The following TRHR variants were observed in gnomAD, a reference collection of about 807,000 sequenced individuals.
The protein encoded by TRHR is thyrotropin-releasing hormone receptor.
TRHR carries 14 observed loss-of-function variants against 28.0 expected under a neutral mutation model. That is an observed-to-expected ratio of 0.50 (90% CI 0.33 to 0.78). The LOEUF (loss-of-function observed/expected upper bound fraction) is 0.78. TRHR is among the 30% of genes least tolerant of loss of function. The probability of loss-of-function intolerance (pLI) is 0.02; values close to 1 mark genes in which losing one functional copy is unlikely to be tolerated. For missense variants in TRHR, 438 were observed against 469.5 expected (o/e 0.93, Z 0.62); for synonymous variants, 176 against 171.9 (o/e 1.02, Z -0.18).
chr8:109,110,535 G>A (rs1479813502), intron 2 of TRHR, among the ~76,000 whole-genome samples: 2 of 151,784 alleles, frequency 1.3e-5, no homozygotes, highest in Admixed American at 1.3e-4. Flanking sequence ...ATAGAGCCCA[G>A]AAAACACTCC....
intron 2 of TRHR, among the ~76,000 whole-genome samples, chr8:109,095,341 C>T (rs1190650650): frequency 1.3e-5 from 2 of 151,606 alleles, no homozygotes; most frequent in African/African-American, 4.9e-5. Flanking sequence ...TTGAACTGGA[C>T]CTATAAAGGT....
chr8:109,087,621 G>A lies in TRHR; in HGVS notation c.109G>A (p.Gly37Ser), dbSNP rs750817638. The change falls in exon 2 of 3, where the codon GGC (glycine) becomes AGC (serine). Residue 37 changes from glycine (G) to serine (S), a missense_variant. Transcript: ENST00000518632. ...VTILLVLIIC[G>S]LGIVGNIMVV... ...CATCTTACTTGTACTCATTATTTGTGGCCTGGGCATTGTAGGCAACATCAT... is the reference window on the plus strand; with the variant it reads ...CATCTTACTTGTACTCATTATTTGTAGCCTGGGCATTGTAGGCAACATCAT... 2 of 1,614,120 alleles carry A rather than the reference G, an allele frequency of 1.2e-6. No individual in the cohort carries two copies. Among genetic ancestry groups the A allele is most frequent in the East Asian group, 2.2e-5 (1 of 44,880 alleles).
chr8:109,118,417 T>C (rs989242877), intron 2 of TRHR, among the ~76,000 whole-genome samples: 3 of 151,888 alleles, frequency 2.0e-5, no homozygotes, highest in African/African-American at 4.8e-5. Flanking sequence ...AGATGAGCTA[T>C]AAGATAGGTT....
chr8:109,113,586 G>A (rs1811872363), intron 2 of TRHR, among the ~76,000 whole-genome samples: 1 of 152,052 alleles, frequency 6.6e-6, no homozygotes, highest in South Asian at 2.1e-4. Flanking sequence ...TCTGAATAAA[G>A]CATGGAGCTA....
At chr8:109,100,809 T>G (rs1336928701) in intron 2 of TRHR, among the ~76,000 whole-genome samples, 1 of 152,174 alleles carries the variant, frequency 6.6e-6, no homozygotes, top group Non-Finnish European at 1.5e-5. Context: ...AGGAGCACTC[T>G]TAAGCTGAGC....
intron 2 of TRHR, among the ~76,000 whole-genome samples, chr8:109,113,735 T>C (rs1811873660): frequency 6.6e-6 from 1 of 152,148 alleles, no homozygotes; most frequent in Non-Finnish European, 1.5e-5. Context: ...AACTCTTCTA[T>C]AAATCTAATA....
chr8:109,102,676 T>C lies in TRHR; in HGVS notation c.789+14375T>C, dbSNP rs931277270. Among the ~76,000 whole-genome samples, 4 of 151,940 alleles carry C rather than the reference T, an allele frequency of 2.6e-5. 1 individual carries two copies. In the South Asian group the frequency reaches 8.3e-4, roughly 32 times the overall value. On this transcript the variant is annotated intron_variant, in intron 2 of 2. Coordinates refer to ENST00000518632, the MANE Select transcript of TRHR (RefSeq NM_003301.7). ...GAAAGTCATTGATTGAGAATGAGGG[T>C]AATGGCAAGGAGAAAAGGCATGGCT...
At chr8:109,098,933 G>A (rs956021540) in intron 2 of TRHR, among the ~76,000 whole-genome samples, 2 of 152,028 alleles carry the variant, frequency 1.3e-5, no homozygotes, top group African/African-American at 2.4e-5. Context: ...TTCTCTCAGC[G>A]GATTGTGCAT....
chr8:109,101,747 G>A (rs1330163972), intron 2 of TRHR, among the ~76,000 whole-genome samples: 1 of 152,106 alleles, frequency 6.6e-6, no homozygotes, highest in East Asian at 1.9e-4. Context: ...TAGAAATACA[G>A]ATTTAAGGCT....
chr8:109,107,791 G>A (rs1002889971), intron 2 of TRHR, among the ~76,000 whole-genome samples: 6 of 152,046 alleles, frequency 3.9e-5, no homozygotes, highest in Admixed American at 3.3e-4. Context: ...ATATTACAAT[G>A]TGTTTTTATG....
chr8:109,087,865 C>G lies in TRHR; in HGVS notation c.353C>G (p.Ala118Gly), dbSNP rs773472792. The G allele has an allele frequency of 7.4e-6, 12 of 1,614,072 alleles. No homozygotes were observed. The highest frequency in any genetic ancestry group is 1.0e-5 in the Non-Finnish European group (12 of 1,180,040). ...AATGCATCCTCTTGTTCAATAACAG[C>G]CTTTACCATTGAGAGGTACATAGCA... ...GINASSCSIT[A>G]FTIERYIAIC... The change falls in exon 2 of 3, where the codon GCC (alanine) becomes GGC (glycine). Residue 118 changes from alanine (A) to glycine (G), a missense_variant. Coordinates refer to ENST00000518632, the MANE Select transcript of TRHR (RefSeq NM_003301.7).
chr8:109,104,649 C>T (rs1400401592), intron 2 of TRHR, among the ~76,000 whole-genome samples: 1 of 152,004 alleles, frequency 6.6e-6, no homozygotes, highest in African/African-American at 2.4e-5. Context: ...GACATTTTCC[C>T]ATCAGTAGCA....
rs1426810098 is a variant in TRHR, at chr8:109,086,793, T to C, written c.-179T>C. ...ACTGCTAAGTGGTCTCCCTCTCAAA[T>C]AGAGTAGACAAGATTTTCTGCAAGA... is the stretch of plus-strand genomic sequence containing the variant. On this transcript the variant is annotated 5_prime_UTR_variant, in exon 1 of 3. Coordinates refer to ENST00000518632, the MANE Select transcript of TRHR (RefSeq NM_003301.7). The C allele has an allele frequency of 6.6e-6, 1 of 152,526 alleles. No homozygotes were observed. The highest frequency in any genetic ancestry group is 1.5e-5 in the Non-Finnish European group (1 of 68,348). 9.4% of individuals were successfully genotyped at this position (152,526 alleles called of 1,614,324 possible).
Position 109,100,437 on chromosome 8 carries a change from GT to G in TRHR, c.789+12146del, listed in dbSNP as rs373854283. Among the ~76,000 whole-genome samples, 374 of 148,810 alleles carry G rather than the reference GT, an allele frequency of 2.5e-3. 2 individuals carry two copies. Among genetic ancestry groups the G allele is most frequent in the African/African-American group, 8.7e-3 (354 of 40,682 alleles). Reference sequence around the variant, plus strand: ...AGGTGCTATCCTGGAATTAAGCATGGTTTTTTTTTTGAATTCTAAAATAGTA... The same window carrying G: ...AGGTGCTATCCTGGAATTAAGCATGGTTTTTTTTTGAATTCTAAAATAGTA... On this transcript the variant is annotated intron_variant, in intron 2 of 2. Transcript: ENST00000518632.
intron 2 of TRHR, among the ~76,000 whole-genome samples, chr8:109,103,036 A>G (rs1811699847): frequency 6.6e-6 from 1 of 152,160 alleles, no homozygotes; most frequent in Non-Finnish European, 1.5e-5. Flanking sequence ...TAGAGGCCAG[A>G]CTGAATCATA....
At chr8:109,101,855 T>C (rs1193376729) in intron 2 of TRHR, among the ~76,000 whole-genome samples, 6 of 152,046 alleles carry the variant, frequency 3.9e-5, no homozygotes, top group Non-Finnish European at 5.9e-5. Context: ...CTACAGGAAA[T>C]TTTGTAAAGT....
At chr8:109,106,060 T>C (rs1811746575) in intron 2 of TRHR, among the ~76,000 whole-genome samples, 1 of 152,164 alleles carries the variant, frequency 6.6e-6, no homozygotes, top group South Asian at 2.1e-4. Context: ...AATTGCCAAA[T>C]GCAGGAAAGA....
intron 2 of TRHR, among the ~76,000 whole-genome samples, chr8:109,104,880 A>G (rs1344271597): frequency 6.6e-6 from 1 of 152,052 alleles, no homozygotes; most frequent in East Asian, 1.9e-4. Flanking sequence ...AGCTACTTGG[A>G]AAGCTGAGGT....
Position 109,117,203 on chromosome 8 carries a change from G to A in TRHR, c.790-1845G>A, listed in dbSNP as rs538575216. ...GAAATAACACAGTAGAAATGTTATC[G>A]AAAATGCAAGAAACATTCATGGAAA... is the stretch of plus-strand genomic sequence containing the variant. On this transcript the variant is annotated intron_variant, in intron 2 of 2. Transcript: ENST00000518632. 1.8e-4 allele frequency among the ~76,000 whole-genome samples: 27 copies of A among 151,992 alleles called. 1 individual carries two copies. Among genetic ancestry groups the A allele is most frequent in the Non-Finnish European group, 2.8e-4 (19 of 67,896 alleles).
Sources: gnomAD v4.1 joint callset for allele counts (sites outside exome capture counted in the v4.1 genomes callset) on GRCh38, gnomAD v4.1.1 for gene constraint, MANE v1.5 for transcripts, NCBI Gene and HGNC (gene_info 2026-07-23, HGNC 2026-07-21) for gene names.